The following MARK1 variants were observed in gnomAD, a reference collection of about 807,000 sequenced individuals.
MARK1 encodes the protein microtubule affinity regulating kinase 1.
MARK1 carries 40 observed loss-of-function variants against 96.3 expected under a neutral mutation model. That is an observed-to-expected ratio of 0.42 (90% CI 0.32 to 0.54). The LOEUF is 0.54. Ranked by LOEUF, MARK1 falls within the 20% of genes least tolerant of loss-of-function variation. The pLI, the probability that MARK1 is intolerant of heterozygous loss-of-function variation, is 0.16. For missense variants in MARK1, 719 were observed against 984.6 expected (o/e 0.73, Z 3.61); for synonymous variants, 317 against 341.2 (o/e 0.93, Z 0.78).
intron 1 of MARK1, among the ~76,000 whole-genome samples, chr1:220,572,543 G>A (rs1427510009): frequency 2.0e-5 from 3 of 152,114 alleles, no homozygotes; most frequent in East Asian, 1.9e-4. Context: ...GCGCCTGGTG[G>A]TTGTTTTTTC....
intron 3 of MARK1, among the ~76,000 whole-genome samples, chr1:220,586,011 A>ACACACACACACACACGCACGCG (rs112968910): frequency 5.8e-4 from 86 of 148,636 alleles, no homozygotes; most frequent in East Asian, 7.9e-4. Context: ...ACACACACAC[A>ACACACACACACACACGCACGCG]CGCGCGCGTG....
In MARK1 at chr1:220,650,655, G is replaced by T; in HGVS notation, c.1506G>T (p.Arg502Ser). The change falls in exon 14 of 18, where the codon AGG becomes AGT. Residue 502 changes from arginine (R) to serine (S), a missense_variant. By Grantham distance (110) the Arg-to-Ser change is moderately radical. Coordinates refer to ENST00000366917, the MANE Select transcript of MARK1 (RefSeq NM_018650.5). ...NVYSGGSMAR[R>S]NTYVCERTTD... ...ATTCTGGAGGTAGCATGGCAAGAAG[G>T]AATACATATGTCTGTGAAAGGACCA... is the stretch of plus-strand genomic sequence containing the variant. The T allele has an allele frequency of 6.2e-7, 1 of 1,613,122 alleles. No individual in the cohort carries two copies. Among genetic ancestry groups the T allele is most frequent in the Non-Finnish European group, 8.5e-7 (1 of 1,179,358 alleles).
chr1:220,633,120 G>A (rs1667756916), intron 11 of MARK1, among the ~76,000 whole-genome samples: 1 of 152,102 alleles, frequency 6.6e-6, no homozygotes, highest in Non-Finnish European at 1.5e-5. Context: ...AACCCGTAAA[G>A]GGAGAACTTG....
At chr1:220,614,217 A>G (rs1438599272) in intron 6 of MARK1, among the ~76,000 whole-genome samples, 1 of 152,062 alleles carries the variant, frequency 6.6e-6, no homozygotes, top group Non-Finnish European at 1.5e-5. Flanking sequence ...TGTGTTGCCA[A>G]GGCCTGGTCT....
At chr1:220,585,238 TA>T (rs1310384747) in intron 3 of MARK1, among the ~76,000 whole-genome samples, 1 of 152,234 alleles carries the variant, frequency 6.6e-6, no homozygotes, top group African/African-American at 2.4e-5. Context: ...AAAATGCTTT[TA>T]ATTTTGATTT....
chr1:220,628,894 C>G lies in MARK1; in HGVS notation c.910-2141C>G, dbSNP rs1667506775. On this transcript the variant is annotated intron_variant, in intron 9 of 17. Transcript: ENST00000366917. The stretch of plus-strand genomic sequence containing the variant: ...TTGAACCCAAGAGTTCAAGCCTGGG[C>G]AACATAGTGAGACCCTGTCTTTAAA... 8.8e-5 allele frequency among the ~76,000 whole-genome samples: 13 copies of G among 147,644 alleles called. No individual in the cohort carries two copies. The South Asian group carries it at 2.8e-3, about 31-fold the overall frequency.
intron 3 of MARK1, among the ~76,000 whole-genome samples, chr1:220,595,513 T>G (rs567509223): frequency 2.0e-5 from 3 of 152,286 alleles, no homozygotes; most frequent in East Asian, 3.9e-4. Context: ...AAAGGGGCCA[T>G]TAGGACTGTG....
chr1:220,580,474 T>C (rs1187940228), intron 2 of MARK1, among the ~76,000 whole-genome samples: 3 of 151,048 alleles, frequency 2.0e-5, no homozygotes, highest in African/African-American at 7.3e-5. Flanking sequence ...AGATCCTGTC[T>C]CAAAAAAAAA....
Position 220,641,787 on chromosome 1 carries a change from G to A in MARK1, c.1470+5761G>A, listed in dbSNP as rs187064697. Among the ~76,000 whole-genome samples the A allele has an allele frequency of 1.5e-3, 233 of 152,208 alleles. 3 individuals are homozygous for A. The highest frequency in any genetic ancestry group is 5.3e-3 in the African/African-American group (221 of 41,564). ...AAAAGCAAGGAAAAGCGGCAGGGGT[G>A]GGGGTGGGCGGTTCACCCAGGAGCT... On this transcript the variant is annotated intron_variant, in intron 13 of 17. Coordinates refer to ENST00000366917, the MANE Select transcript of MARK1 (RefSeq NM_018650.5).
intron 1 of MARK1, among the ~76,000 whole-genome samples, chr1:220,540,332 C>T (rs143592375): frequency 0.016 from 2,360 of 152,228 alleles, 33 homozygotes; most frequent in Middle Eastern, 0.044. Context: ...GATATCCCAG[C>T]TGAAGAAGAG....
intron 6 of MARK1, among the ~76,000 whole-genome samples, chr1:220,610,747 A>T (rs1275836969): frequency 2.0e-5 from 3 of 151,808 alleles, no homozygotes; most frequent in Non-Finnish European, 4.4e-5. Flanking sequence ...TATGTAGATG[A>T]CCTTTTGGTT....
At chr1:220,537,609 G>A (rs1660802812) in intron 1 of MARK1, among the ~76,000 whole-genome samples, 1 of 141,366 alleles carries the variant, frequency 7.1e-6, no homozygotes, top group Admixed American at 7.3e-5. Context: ...CCCAGTAATG[G>A]GATGGCTGGG....
At chr1:220,611,264 C>T (rs1361515789) in intron 6 of MARK1, among the ~76,000 whole-genome samples, 1 of 152,226 alleles carries the variant, frequency 6.6e-6, no homozygotes, top group African/African-American at 2.4e-5. Context: ...TGTTTACCTA[C>T]TCAAGCCTCA....
At chr1:220,573,809 TG>T (rs1663647255) in intron 1 of MARK1, among the ~76,000 whole-genome samples, 1 of 71,790 alleles carries the variant, frequency 1.4e-5, no homozygotes, top group African/African-American at 3.8e-5. Flanking sequence ...GTAGTATATA[TG>T]TAGTATATAT....
intron 3 of MARK1, among the ~76,000 whole-genome samples, chr1:220,586,600 C>G (rs1309790719): frequency 6.6e-6 from 1 of 152,164 alleles, no homozygotes; most frequent in African/African-American, 2.4e-5. Context: ...TATTCTACCT[C>G]TAACTCCAAA....
intron 15 of MARK1, among the ~76,000 whole-genome samples, chr1:220,652,583 T>A (rs2103057204): frequency 6.6e-6 from 1 of 152,334 alleles, no homozygotes; most frequent in East Asian, 1.9e-4. Flanking sequence ...AAGAGCCTGT[T>A]CAGATATAAA....
At chr1:220,558,821 A>G (rs1285460544) in intron 1 of MARK1, among the ~76,000 whole-genome samples, 2 of 152,158 alleles carry the variant, frequency 1.3e-5, no homozygotes, top group Admixed American at 6.5e-5. Flanking sequence ...GTATTACTCA[A>G]TGGAAATGTA....
chr1:220,603,853 G>C (rs1558291296), intron 5 of MARK1, among the ~76,000 whole-genome samples: 2 of 151,990 alleles, frequency 1.3e-5, no homozygotes, highest in Admixed American at 6.6e-5. Flanking sequence ...ATTTTTTAAA[G>C]AGTTTTGCTA....
Position 220,636,016 on chromosome 1 carries a change from C to G in MARK1, c.1460C>G (p.Thr487Ser). The change falls in exon 13 of 18, where the codon ACT becomes AGT. Residue 487 changes from threonine to serine, a missense_variant. Physicochemically the swap from Thr to Ser is moderately conservative, Grantham distance 58. Coordinates refer to ENST00000366917, the MANE Select transcript of MARK1 (RefSeq NM_018650.5). Reference protein sequence around the residue: ...LVGPERKKSSTIPSNNVYSGG... With the variant: ...LVGPERKKSSSIPSNNVYSGG... ...GGGCCAGAGAGGAAAAAATCTTCAA[C>G]TATTCCAAGTGTGAGTAAATACTCT... 1.5e-5 allele frequency: 24 copies of G among 1,610,540 alleles called. No homozygotes were observed. The highest frequency in any genetic ancestry group is 2.0e-5 in the Non-Finnish European group (24 of 1,178,442).
Sources: gnomAD v4.1 joint callset for allele counts (sites outside exome capture counted in the v4.1 genomes callset) on GRCh38, gnomAD v4.1.1 for gene constraint, MANE v1.5 for transcripts, NCBI Gene and HGNC (gene_info 2026-07-23, HGNC 2026-07-21) for gene names.